The following DOCK3 variants were observed in gnomAD, a reference collection of about 807,000 sequenced individuals.
DOCK3 encodes dedicator of cytokinesis protein 3.
A neutral mutation model predicts 265.6 loss-of-function variants in DOCK3; 60 were observed. The observed-to-expected ratio is 0.23, with a 90% CI of 0.18 to 0.28. The LOEUF (loss-of-function observed/expected upper bound fraction) is 0.28. DOCK3 is among the 10% of genes least tolerant of loss of function. DOCK3 has a pLI of 1.00. For synonymous variants in DOCK3, 881 were observed against 938.0 expected (o/e 0.94, Z 1.11); for missense variants, 1,981 against 2,594.3 (o/e 0.76, Z 5.14).
chr3:51,031,443 G>A lies in DOCK3; in HGVS notation c.316-33005G>A, dbSNP rs558578523. Among the ~76,000 whole-genome samples, 7 of 152,228 alleles carry A rather than the reference G, an allele frequency of 4.6e-5. No homozygotes were observed. In the South Asian group the frequency reaches 1.5e-3, roughly 32 times the overall value. The stretch of plus-strand genomic sequence containing the variant: ...CACCAGCCTTAAAGTCTCTGAATGG[G>A]GAGCAAGAGGATAAAGGAGTCTATG... On this transcript the variant is annotated intron_variant, in intron 5 of 52. Coordinates refer to ENST00000266037, the MANE Select transcript of DOCK3 (RefSeq NM_004947.5).
chr3:50,897,060 A>G (rs1045413096), intron 4 of DOCK3, among the ~76,000 whole-genome samples: 2 of 152,156 alleles, frequency 1.3e-5, no homozygotes, highest in Admixed American at 6.6e-5. Context: ...CACTGACTCT[A>G]TAAATTACTT....
intron 32 of DOCK3, among the ~76,000 whole-genome samples, chr3:51,322,804 A>G (rs141752574): frequency 2.0e-5 from 3 of 152,364 alleles, no homozygotes; most frequent in African/African-American, 7.2e-5. Flanking sequence ...ACATAACAAT[A>G]TTAACCTTAA....
intron 7 of DOCK3, among the ~76,000 whole-genome samples, chr3:51,080,558 G>C (rs1490669009): frequency 1.3e-5 from 2 of 152,162 alleles, no homozygotes; most frequent in East Asian, 3.8e-4. Context: ...TGCCAGTTCT[G>C]ATGCCTTTCT....
chr3:51,094,165 A>G (rs1333352094), intron 9 of DOCK3, among the ~76,000 whole-genome samples: 1 of 152,208 alleles, frequency 6.6e-6, no homozygotes, highest in Non-Finnish European at 1.5e-5. Flanking sequence ...TTTTGGTATC[A>G]GGATGATGCT....
chr3:50,911,675 T>C (rs1559803664), intron 4 of DOCK3, among the ~76,000 whole-genome samples: 1 of 151,992 alleles, frequency 6.6e-6, no homozygotes. Flanking sequence ...AGGATTTTTC[T>C]ATTTCTGTGA....
At chr3:51,347,994 C>G (rs1467457788) in intron 38 of DOCK3, among the ~76,000 whole-genome samples, 2 of 152,104 alleles carry the variant, frequency 1.3e-5, no homozygotes, top group Non-Finnish European at 2.9e-5. Flanking sequence ...GATTTTGTAT[C>G]CTGAGACTTT....
intron 1 of DOCK3, among the ~76,000 whole-genome samples, chr3:50,706,582 G>C (rs2036427810): frequency 6.6e-6 from 1 of 152,074 alleles, no homozygotes; most frequent in South Asian, 2.1e-4. Context: ...AACCTTATGG[G>C]ATTGAATCTA....
At chr3:50,953,561 T>C (rs2076649666) in intron 5 of DOCK3, among the ~76,000 whole-genome samples, 1 of 152,154 alleles carries the variant, frequency 6.6e-6, no homozygotes, top group African/African-American at 2.4e-5. Context: ...AAAATGCATG[T>C]GGATGACTCT....
At chr3:51,124,147 C>T (rs759629680) in intron 9 of DOCK3, among the ~76,000 whole-genome samples, 5 of 152,162 alleles carry the variant, frequency 3.3e-5, no homozygotes, top group African/African-American at 1.2e-4. Context: ...GCCCAAGAAC[C>T]GCACCTGTGT....
At chr3:50,776,475 A>G (rs904561797) in intron 1 of DOCK3, among the ~76,000 whole-genome samples, 8 of 150,670 alleles carry the variant, frequency 5.3e-5, no homozygotes, top group Non-Finnish European at 1.2e-4. Flanking sequence ...GATTCTGGAT[A>G]CTAGTTTTTT....
intron 9 of DOCK3, among the ~76,000 whole-genome samples, chr3:51,135,693 A>G (rs969787334): frequency 3.3e-5 from 5 of 152,094 alleles, no homozygotes; most frequent in South Asian, 2.1e-4. Flanking sequence ...CTGGCCAGCT[A>G]TCCAGTACTC....
chr3:51,381,396 C>T lies in DOCK3; in HGVS notation c.5930C>T (p.Pro1977Leu). The T allele has an allele frequency of 1.2e-6, 2 of 1,612,514 alleles. No homozygotes were observed. Among genetic ancestry groups the T allele is most frequent in the South Asian group, 2.2e-5 (2 of 91,044 alleles). Reference protein sequence around the residue: ...PMDPPALPPKPYHPRLPALEH... With the variant: ...PMDPPALPPKLYHPRLPALEH... ...GACCCGCCTGCGCTGCCGCCCAAGC[C>T]CTACCACCCCCGCCTGCCGGCCCTG... is the stretch of plus-strand genomic sequence containing the variant. Residue 1977 changes from proline to leucine, a missense_variant, in exon 53 of 53, where the codon CCC (proline) becomes CTC (leucine). Transcript: ENST00000266037. The surrounding 1 kb of genome is among the most constrained non-coding windows in gnomAD (Gnocchi z 5.6).
At chr3:51,371,412 T>C (rs2087666995) in intron 49 of DOCK3, among the ~76,000 whole-genome samples, 1 of 152,168 alleles carries the variant, frequency 6.6e-6, no homozygotes, top group Admixed American at 6.5e-5. Context: ...TTCCATACCA[T>C]CCATGTGCAG....
chr3:51,286,608 A>G (rs1474938228), intron 27 of DOCK3, among the ~76,000 whole-genome samples: 1 of 152,320 alleles, frequency 6.6e-6, no homozygotes, highest in Non-Finnish European at 1.5e-5. Context: ...TGGTACGGAT[A>G]CAAAAAATAG....
At chr3:50,926,947 A>G (rs1229102356) in intron 4 of DOCK3, among the ~76,000 whole-genome samples, 8 of 152,188 alleles carry the variant, frequency 5.3e-5, no homozygotes, top group Admixed American at 4.6e-4. Flanking sequence ...ATGTTAGATC[A>G]TGTTACTCCT....
chr3:51,086,350 G>A (rs1198287754), intron 7 of DOCK3, among the ~76,000 whole-genome samples: 1 of 152,216 alleles, frequency 6.6e-6, no homozygotes, highest in East Asian at 1.9e-4. Flanking sequence ...CTTCCAGTGT[G>A]GGCATCATGG....
At chr3:50,812,705 G>A (rs1024890303) in intron 2 of DOCK3, among the ~76,000 whole-genome samples, 4 of 152,168 alleles carry the variant, frequency 2.6e-5, no homozygotes, top group South Asian at 4.1e-4. Flanking sequence ...ACAATGGGGC[G>A]GGCCGTCTGC....
At chr3:51,378,427 G>C (rs2088318938) in intron 51 of DOCK3, among the ~76,000 whole-genome samples, 1 of 152,112 alleles carries the variant, frequency 6.6e-6, no homozygotes, top group East Asian at 1.9e-4. Context: ...CCCTTCCAAA[G>C]CCTGTCAGCT....
At chr3:50,803,052 TTATG>T (rs1284886466) in intron 2 of DOCK3, among the ~76,000 whole-genome samples, 1 of 150,278 alleles carries the variant, frequency 6.7e-6, no homozygotes, top group Non-Finnish European at 1.5e-5. Context: ...TTTTATGTAT[TTATG>T]TATTTATTTA....
Sources: allele counts gnomAD v4.1 joint callset (sites outside exome capture counted in the v4.1 genomes callset), GRCh38; gene constraint gnomAD v4.1.1; non-coding constraint Gnocchi (gnomAD v3.1); transcripts MANE v1.5; gene names NCBI Gene and HGNC (gene_info 2026-07-23, HGNC 2026-07-21).